Variants in VPS13C observed in about 807,000 individuals in gnomAD.
VPS13C encodes the protein intermembrane lipid transfer protein VPS13C.
Under a neutral mutation model 456.8 loss-of-function variants are expected in VPS13C, and 358 were observed. The observed-to-expected ratio is 0.78, with a 90% CI of 0.72 to 0.86. The LOEUF is 0.86. Among genes scored for constraint, VPS13C ranks in the 40% least tolerant of loss-of-function variants. VPS13C has a pLI of 0.00. For synonymous variants in VPS13C, 1,578 were observed against 1,486.7 expected, an observed-to-expected ratio of 1.06 and a Z score of -1.41; for missense variants, 4,818 against 4,385.4, an observed-to-expected ratio of 1.10 and a Z score of -2.79.
intron 34 of VPS13C, among the ~76,000 whole-genome samples, 187 bp from the exon 35 acceptor site, chr15:61,962,080 G>A (rs1277338521): frequency 2.6e-5 from 4 of 151,942 alleles, no homozygotes; most frequent in Non-Finnish European, 4.4e-5. Flanking sequence ...TGCCTGAACT[G>A]AGCTAATGTT....
intron 49 of VPS13C, among the ~76,000 whole-genome samples, chr15:61,931,560 TCTAA>T (rs1337835848): frequency 6.6e-6 from 1 of 151,584 alleles, no homozygotes; most frequent in Non-Finnish European, 1.5e-5. Flanking sequence ...CATCAATTAA[TCTAA>T]CTAATAAATT....
chr15:62,020,592 A>C, intron 8 of VPS13C, 54 bp from the exon 9 acceptor site: 1 of 1,559,888 alleles, frequency 6.4e-7, no homozygotes, highest in Non-Finnish European at 8.8e-7. Context: ...AGGCGAATCC[A>C]TGTCCTTTAC....
chr15:61,968,634 CAATCAGAGTTTCTGAAAG>C (rs1182365162), intron 28 of VPS13C, among the ~76,000 whole-genome samples: 7 of 152,060 alleles, frequency 4.6e-5, no homozygotes, highest in Admixed American at 3.3e-4. Context: ...AATGAATAAA[CAATCAGAGTTTCTGAAAG>C]AACTAACTTT....
At chr15:62,019,207 C>T (rs1439973317) in intron 9 of VPS13C, among the ~76,000 whole-genome samples, 1 of 152,102 alleles carries the variant, frequency 6.6e-6, no homozygotes, top group East Asian at 1.9e-4. Context: ...TACTAGCAGT[C>T]TATCGATTTT....
intron 67 of VPS13C, among the ~76,000 whole-genome samples, chr15:61,886,992 T>G (rs904080322): frequency 4.6e-5 from 7 of 152,140 alleles, no homozygotes; most frequent in African/African-American, 1.7e-4. Flanking sequence ...CCACCAGGAT[T>G]AGGAACAAGG....
At chr15:61,911,744 A>G (rs1467516929) in intron 63 of VPS13C, 96 bp downstream of exon 63, 1 of 1,145,158 alleles carries the variant, frequency 8.7e-7, no homozygotes, top group Admixed American at 3.6e-5. Context: ...ACACATAAAT[A>G]TGATAGTCTG....
In VPS13C at chr15:61,936,762, C is replaced by A. The variant is rs1178755144; in HGVS notation, c.5602-12G>T. 2.5e-6 allele frequency: 4 copies of A among 1,591,480 alleles called. No homozygotes were observed. Among genetic ancestry groups the A allele is most frequent in the South Asian group, 2.3e-5 (2 of 86,354 alleles). ...TCACTGAGAGCAACCTAGAAACCAC[C>A]AATAATTTGTTAACTCTAAGTAATA... On this transcript the variant is annotated splice_polypyrimidine_tract_variant and intron_variant, in intron 47 of 84. Coordinates refer to ENST00000644861, the MANE Select transcript of VPS13C (RefSeq NM_020821.3).
intron 16 of VPS13C, among the ~76,000 whole-genome samples, chr15:61,993,583 A>G (rs2046290383): frequency 6.6e-6 from 1 of 152,102 alleles, no homozygotes; most frequent in East Asian, 1.9e-4. Context: ...GCATGCTACA[A>G]ATTTCAAGGA....
chr15:61,870,224 C>T (rs1049445257), intron 79 of VPS13C, among the ~76,000 whole-genome samples: 4 of 152,020 alleles, frequency 2.6e-5, no homozygotes, highest in African/African-American at 9.7e-5. Context: ...AGCAATCATT[C>T]CCTATTTCCC....
intron 74 of VPS13C, 106 bp from the exon 75 acceptor site, chr15:61,877,160 C>T: frequency 1.4e-6 from 1 of 718,960 alleles, no homozygotes; most frequent in Non-Finnish European, 2.2e-6. Context: ...AATTCTTTCA[C>T]AATTGACTTC....
At chr15:61,874,837 TA>T (rs770971118) in intron 77 of VPS13C, 38 bp downstream of exon 77, 4 of 1,498,610 alleles carry the variant, frequency 2.7e-6, no homozygotes, top group East Asian at 2.4e-5. Flanking sequence ...AACAATATAA[TA>T]AAAAATATAC....
chr15:62,006,669 G>A (rs1239983875), intron 15 of VPS13C, among the ~76,000 whole-genome samples: 1 of 152,176 alleles, frequency 6.6e-6, no homozygotes, highest in African/African-American at 2.4e-5. Context: ...GGATCCCTGA[G>A]GAATCGCCAC....
At chr15:61,992,975 A>G (rs1243831345) in intron 16 of VPS13C, among the ~76,000 whole-genome samples, 1 of 152,146 alleles carries the variant, frequency 6.6e-6, no homozygotes, top group African/African-American at 2.4e-5. Context: ...GATCATGATA[A>G]AGGGAATTAA....
At position 61,951,869 on chromosome 15, in the gene VPS13C, T is replaced by C. The variant is rs1258830234; in HGVS notation, c.4411A>G (p.Lys1471Glu). The change falls in exon 39 of 85, where the codon AAA becomes GAA. Residue 1471 changes from lysine (K) to glutamate (E), a missense_variant. Physicochemically the swap from Lys to Glu is moderately conservative, Grantham distance 56 (BLOSUM62 1). This residue lies in a region of VPS13C where 4,552 missense variants were observed against 4,130.6 expected (regional missense o/e 1.10). Transcript: ENST00000644861. ...ATACTAATTTTTTTTAGATAAGCTTTAGCAGTCATGTCATAGGTTTTAACT... is the reference window on the plus strand; with the variant it reads ...ATACTAATTTTTTTTAGATAAGCTTCAGCAGTCATGTCATAGGTTTTAACT... The part of the protein sequence containing the change: ...AKVKTYDMTA[K>E]AYLKKISMQC... The C allele has an allele frequency of 1.9e-6, 3 of 1,613,670 alleles. No individual in the cohort carries two copies. Among genetic ancestry groups the C allele is most frequent in the Non-Finnish European group, 2.5e-6 (3 of 1,179,862 alleles).
chr15:62,008,396 C>G (rs1320628047), intron 14 of VPS13C, among the ~76,000 whole-genome samples: 1 of 149,018 alleles, frequency 6.7e-6, no homozygotes, highest in East Asian at 2.0e-4. Context: ...AAGATTCTAT[C>G]TCAAAAAAAA....
Position 61,929,743 on chromosome 15 carries a change from A to G in VPS13C, c.6044T>C (p.Ile2015Thr), listed in dbSNP as rs1192089202. 3.1e-6 allele frequency: 5 copies of G among 1,608,234 alleles called. No homozygotes were observed. Among genetic ancestry groups the G allele is most frequent in the African/African-American group, 1.3e-5 (1 of 74,760 alleles). ...EGIERATSRM[I>T]DRKNDQDNNS... ...GTTATCTTGGTCATTCTTTCTGTCA[A>G]TCATTCTGAAAAAAAACATGCTATT... The change falls in exon 51 of 85, where the codon ATT becomes ACT. Residue 2015 changes from isoleucine to threonine, a missense_variant. This residue lies in a region of VPS13C where 4,552 missense variants were observed against 4,130.6 expected (regional missense o/e 1.10). Coordinates refer to ENST00000644861, the MANE Select transcript of VPS13C (RefSeq NM_020821.3).
chr15:62,049,456 A>G (rs2048544746), intron 1 of VPS13C, among the ~76,000 whole-genome samples: 1 of 151,946 alleles, frequency 6.6e-6, no homozygotes, highest in Non-Finnish European at 1.5e-5. Flanking sequence ...CTGTTCCATT[A>G]TCTATATCTC....
At chr15:62,012,708 A>C (rs1336151074) in intron 11 of VPS13C, among the ~76,000 whole-genome samples, 2 of 152,022 alleles carry the variant, frequency 1.3e-5, no homozygotes, top group East Asian at 3.9e-4. Context: ...TATTATCTTT[A>C]TAATACTCTT....
chr15:61,948,784 C>T (rs552346053), intron 42 of VPS13C, among the ~76,000 whole-genome samples: 43 of 151,728 alleles, frequency 2.8e-4, no homozygotes, highest in Middle Eastern at 6.9e-3. Flanking sequence ...AAACTCGTAA[C>T]GATCTGAAAA....
Sources: allele counts gnomAD v4.1 joint callset (sites outside exome capture counted in the v4.1 genomes callset), GRCh38; gene constraint gnomAD v4.1.1; regional missense constraint gnomAD v4.1.1; transcripts MANE v1.5; gene names NCBI Gene and HGNC (gene_info 2026-07-23, HGNC 2026-07-21).